The following AK1 variants were observed in gnomAD, a reference collection of about 807,000 sequenced individuals.
The protein encoded by AK1 is adenylate kinase 1.
AK1 carries 13 observed loss-of-function variants against 23.9 expected under a neutral mutation model. That is an observed-to-expected ratio of 0.54 (90% confidence interval 0.35 to 0.86). AK1 has a LOEUF of 0.86. Ranked by LOEUF, AK1 falls within the 40% of genes least tolerant of loss-of-function variation. AK1 has a pLI of 0.01. For synonymous variants in AK1, 97 were observed against 102.8 expected (o/e 0.94, Z 0.34); for missense variants, 214 against 255.1 (o/e 0.84, Z 1.10).
intron 2 of AK1, chr9:127,873,729 G>C (rs1244454487): frequency 2.0e-6 from 2 of 985,324 alleles, no homozygotes; most frequent in Admixed American, 1.2e-4. Context: ...GAGAGGGAAG[G>C]CCTGCTCAAG....
intron 1 of AK1, chr9:127,874,877 C>T: frequency 1.8e-6 from 1 of 546,866 alleles, no homozygotes; most frequent in Non-Finnish European, 3.3e-6. Context: ...ATGGCCTCAC[C>T]TGTCACAGAA....
rs774684518 is a variant in AK1 at position 127,868,051 on chromosome 9, C to T, written c.542G>A (p.Ser181Asn). The change falls in exon 7 of 7, where the codon AGT (serine) becomes AAT (asparagine). Residue 181 changes from serine to asparagine, a missense_variant. By Grantham distance (46) the Ser-to-Asn change is conservative (BLOSUM62 1). Transcript: ENST00000644144. The surrounding 1 kb of genome is among the most constrained non-coding windows in gnomAD (Gnocchi z 4.1). ...RKVNAEGSVD[S>N]VFSQVCTHLD... ...GTGGGTGCAGACCTGGGAGAAGACA[C>T]TGTCCACGGAGCCCTCAGCGTTGAC... is the stretch of plus-strand genomic sequence containing the variant. 1 of 1,614,154 alleles carries T rather than the reference C, an allele frequency of 6.2e-7. No homozygotes were observed. Among genetic ancestry groups the T allele is most frequent in the Non-Finnish European group, 8.5e-7 (1 of 1,180,004 alleles).
Position 127,871,372 on chromosome 9 carries a change from C to G in AK1, c.324+451G>C, listed in dbSNP as rs995362752. On this transcript the variant is annotated intron_variant, in intron 5 of 6. Transcript: ENST00000644144. The surrounding 1 kb of genome is among the most constrained non-coding windows in gnomAD (Gnocchi z 4.4). ...GTCCTGCCCACATATTCTGTTCTCC[C>G]CACACTGGCCTTGCCTTTCCAGCCC... 3.3e-5 allele frequency among the ~76,000 whole-genome samples: 5 copies of G among 151,490 alleles called. No homozygotes were observed. Among genetic ancestry groups the G allele is most frequent in the Non-Finnish European group, 7.4e-5 (5 of 68,006 alleles).
rs918457582 is a variant in AK1 at position 127,877,091 on chromosome 9, C to T, written c.-33+532G>A. On this transcript the variant is annotated intron_variant, in intron 1 of 6. Coordinates refer to ENST00000644144, the MANE Select transcript of AK1 (RefSeq NM_000476.3). This position sits in a 1 kb window ranked among gnomAD's most constrained non-coding sequence, Gnocchi z 5.2. ...CCTGCTGCTGCTGAGGAGTACCAGG[C>T]GGCCACTGAGCAGTGCTGTGGGAAG... Among the ~76,000 whole-genome samples, 6 of 152,172 alleles carry T rather than the reference C, an allele frequency of 3.9e-5. No individual in the cohort carries two copies. Among genetic ancestry groups the T allele is most frequent in the Admixed American group, 2.0e-4 (3 of 15,280 alleles).
At chr9:127,872,897 C>T (rs1829449130) in intron 3 of AK1, 44 bp from the exon 4 acceptor site, 2 of 1,613,426 alleles carry the variant, frequency 1.2e-6, no homozygotes, top group Non-Finnish European at 8.5e-7. Flanking sequence ...CACAGGGTCC[C>T]AGGAGGAACA....
rs73669436 is a variant in AK1, at chr9:127,871,901, G to C, written c.246C>G (p.Ala82=). The part of the protein sequence containing the change: ...VLDMLRDAMV[A]KVNTSKGFLI... ...GGAAGCCTTTGGAAGTATTGACTTT[G>C]GCCACCATGGCATCCCGGAGCATGT... The change falls in exon 5 of 7, where the codon GCC becomes GCG. Residue 82 remains alanine (A), a synonymous_variant. Transcript: ENST00000644144. This position sits in a 1 kb window ranked among gnomAD's most constrained non-coding sequence, Gnocchi z 4.4. 2.5e-4 allele frequency: 411 copies of C among 1,614,050 alleles called. No individual in the cohort carries two copies. The African/African-American group carries it at 5.0e-3, about 19-fold the overall frequency.
rs536465469 is a variant in AK1 at position 127,871,041 on chromosome 9, C to T, written c.324+782G>A. Among the ~76,000 whole-genome samples the T allele has an allele frequency of 6.6e-6, 1 of 151,940 alleles. No individual in the cohort carries two copies. The highest frequency in any genetic ancestry group is 1.9e-4 in the East Asian group (1 of 5,188). ...CATTCCTGCATATGTGTGCTGCGTCCGTGACATGCATGTGCAGGAGTGCAG... is the reference window on the plus strand; with the variant it reads ...CATTCCTGCATATGTGTGCTGCGTCTGTGACATGCATGTGCAGGAGTGCAG... On this transcript the variant is annotated intron_variant, in intron 5 of 6. Coordinates refer to ENST00000644144, the MANE Select transcript of AK1 (RefSeq NM_000476.3). This position sits in a 1 kb window ranked among gnomAD's most constrained non-coding sequence, Gnocchi z 4.4.
intron 2 of AK1, 79 bp downstream of exon 2, chr9:127,874,532 G>A: frequency 1.2e-6 from 2 of 1,611,328 alleles, no homozygotes; most frequent in Non-Finnish European, 1.7e-6. Flanking sequence ...CTCCCAGAAT[G>A]TCTCCCTGAG....
intron 1 of AK1, among the ~76,000 whole-genome samples, chr9:127,875,660 C>T (rs956978314): frequency 6.6e-6 from 1 of 151,954 alleles, no homozygotes; most frequent in East Asian, 1.9e-4. Flanking sequence ...GACATCCATG[C>T]CCCCGAGACA....
intron 1 of AK1, among the ~76,000 whole-genome samples, chr9:127,875,374 C>T (rs1303093274): frequency 1.3e-5 from 2 of 151,088 alleles, no homozygotes; most frequent in Non-Finnish European, 3.0e-5. Context: ...CCTGTGCTGC[C>T]ACAGCCCCCA....
rs1372067869 is a variant in AK1, at chr9:127,877,649, G to A, written c.-59C>T. Reference sequence around the variant, plus strand: ...TGGGGAGGGGTGCGGGTGGGCGCCGGGGCCAGTGCGTGCCCTGCCCGTCCT... The same window carrying A: ...TGGGGAGGGGTGCGGGTGGGCGCCGAGGCCAGTGCGTGCCCTGCCCGTCCT... On this transcript the variant is annotated 5_prime_UTR_variant, in exon 1 of 7. Coordinates refer to ENST00000644144, the MANE Select transcript of AK1 (RefSeq NM_000476.3). The surrounding 1 kb of genome is among the most constrained non-coding windows in gnomAD (Gnocchi z 5.2). 4 of 152,206 alleles carry A rather than the reference G, an allele frequency of 2.6e-5. No individual in the cohort carries two copies. The highest frequency in any genetic ancestry group is 4.4e-5 in the Non-Finnish European group (3 of 68,078). The allele number at this position is 152,206 out of a possible 1,614,324, so 9.4% of individuals were successfully genotyped here. A position where few individuals can be genotyped will look rare whatever the true frequency, so the allele number is the denominator to read the frequency against.
intron 4 of AK1, 101 bp from the exon 5 acceptor site, chr9:127,872,040 C>A: frequency 1.9e-6 from 2 of 1,026,806 alleles, no homozygotes; most frequent in East Asian, 2.4e-5. Flanking sequence ...TGCCCTCTCC[C>A]CAACACAAAT....
intron 2 of AK1, 70 bp from the exon 3 acceptor site, chr9:127,873,131 C>T: frequency 6.3e-7 from 1 of 1,581,670 alleles, no homozygotes; most frequent in Non-Finnish European, 8.6e-7. Context: ...CCTCTGGAGT[C>T]CCAGGCCTGT....
chr9:127,868,631 A>C lies in AK1; in HGVS notation c.325-119T>G. ...CCCTCAGACCTTCAATCCCTTCCCCAAGGCAGCCTGAAAGACCTTCCTAAA... is the reference window on the plus strand; with the variant it reads ...CCCTCAGACCTTCAATCCCTTCCCCCAGGCAGCCTGAAAGACCTTCCTAAA... On this transcript the variant is annotated intron_variant, in intron 5 of 6. Coordinates refer to ENST00000644144, the MANE Select transcript of AK1 (RefSeq NM_000476.3). The surrounding 1 kb of genome is among the most constrained non-coding windows in gnomAD (Gnocchi z 4.1). 1 of 1,211,066 alleles carries C rather than the reference A, an allele frequency of 8.3e-7. No homozygotes were observed. Among genetic ancestry groups the C allele is most frequent in the Non-Finnish European group, 1.2e-6 (1 of 854,890 alleles). The allele number at this position is 1,211,066 out of a possible 1,614,324, so 75.0% of individuals were successfully genotyped here.
intron 1 of AK1, among the ~76,000 whole-genome samples, chr9:127,875,719 A>G (rs1193030621): frequency 1.3e-5 from 2 of 149,550 alleles, no homozygotes; most frequent in African/African-American, 2.5e-5. Flanking sequence ...GCCCTCCCCA[A>G]GTCCCAGCTC....
In AK1 at chr9:127,867,801, A is replaced by T; in HGVS notation, c.*207T>A. 2 of 576,214 alleles carry T rather than the reference A, an allele frequency of 3.5e-6. No individual in the cohort carries two copies. The highest frequency in any genetic ancestry group is 6.3e-6 in the Non-Finnish European group (2 of 319,840). The allele number at this position is 576,214 out of a possible 1,614,324, so 35.7% of individuals were successfully genotyped here. A position where few individuals can be genotyped will look rare whatever the true frequency, so the allele number is the denominator to read the frequency against. On this transcript the variant is annotated 3_prime_UTR_variant, in exon 7 of 7. Coordinates refer to ENST00000644144, the MANE Select transcript of AK1 (RefSeq NM_000476.3). Reference sequence around the variant, plus strand: ...CAGGTAGGCACAAGCACATGAATCAACTCCAACTGGAAGCAGAGAAAAAGC... The same window carrying T: ...CAGGTAGGCACAAGCACATGAATCATCTCCAACTGGAAGCAGAGAAAAAGC...
At chr9:127,875,020 G>A (rs1237986914) in intron 1 of AK1, 4 of 287,772 alleles carry the variant, frequency 1.4e-5, no homozygotes, top group South Asian at 1.1e-4. Flanking sequence ...AAAACAGGGC[G>A]CAGGGCCAGC....
At position 127,867,900 on chromosome 9, in the gene AK1, G is replaced by A. The variant is rs548371283; in HGVS notation, c.*108C>T. 2.2e-4 allele frequency: 241 copies of A among 1,071,668 alleles called. No homozygotes were observed. Among genetic ancestry groups the A allele is most frequent in the Non-Finnish European group, 3.1e-4 (216 of 690,630 alleles). The allele number at this position is 1,071,668 out of a possible 1,614,324, so 66.4% of individuals were successfully genotyped here. A position where few individuals can be genotyped will look rare whatever the true frequency, so the allele number is the denominator to read the frequency against. On this transcript the variant is annotated 3_prime_UTR_variant, in exon 7 of 7. Coordinates refer to ENST00000644144, the MANE Select transcript of AK1 (RefSeq NM_000476.3). ...GAAAACAGGATAAGCGGCTTCCTCC[G>A]TCTGTGCTCAGCAGGGCAGGGTGGA...
chr9:127,868,280 C>T lies in AK1; in HGVS notation c.516+41G>A, dbSNP rs1240066756. ...GAGCTGAGGCGGAGCCACATAGGAACCCGTTCTTCCCGGAGCTGCCCCTGG... is the reference window on the plus strand; with the variant it reads ...GAGCTGAGGCGGAGCCACATAGGAATCCGTTCTTCCCGGAGCTGCCCCTGG... On this transcript the variant is annotated intron_variant, in intron 6 of 6. Transcript: ENST00000644144. The surrounding 1 kb of genome is among the most constrained non-coding windows in gnomAD (Gnocchi z 4.1). 2 of 1,545,760 alleles carry T rather than the reference C, an allele frequency of 1.3e-6. No homozygotes were observed. The highest frequency in any genetic ancestry group is 2.7e-5 in the African/African-American group (2 of 73,064).
Sources: gnomAD v4.1 joint callset for allele counts (sites outside exome capture counted in the v4.1 genomes callset) on GRCh38, gnomAD v4.1.1 for gene constraint, Gnocchi (gnomAD v3.1) non-coding constraint, MANE v1.5 for transcripts, NCBI Gene and HGNC (gene_info 2026-07-23, HGNC 2026-07-21) for gene names.